The following PPP2R1B variants were observed in gnomAD, a reference collection of about 807,000 sequenced individuals.
The protein encoded by PPP2R1B is serine/threonine-protein phosphatase 2A 65 kDa regulatory subunit A beta isoform.
Under a neutral mutation model 72.7 loss-of-function variants are expected in PPP2R1B, and 58 were observed. That is an observed-to-expected ratio of 0.80 (90% CI 0.65 to 0.99). PPP2R1B has a LOEUF of 0.99. PPP2R1B is among the 50% of genes least tolerant of loss of function. The pLI, the probability that PPP2R1B is intolerant of heterozygous loss-of-function variation, is 0.00. For synonymous variants in PPP2R1B, 256 were observed against 264.6 expected (o/e 0.97, Z 0.32); for missense variants, 695 against 733.6 (o/e 0.95, Z 0.61).
At chr11:111,733,984 C>CG (rs1944269514), downstream of PPP2R1B, among the ~76,000 whole-genome samples, 1 of 152,192 alleles carries the variant, frequency 6.6e-6, no homozygotes, top group Non-Finnish European at 1.5e-5. Context: ...ACAGAGGCCT[C>CG]GGCCCCTGGC....
downstream of PPP2R1B, among the ~76,000 whole-genome samples, chr11:111,735,103 G>C (rs1944301221): frequency 6.6e-6 from 1 of 152,206 alleles, no homozygotes; most frequent in African/African-American, 2.4e-5. Flanking sequence ...AAGAGTAGAA[G>C]GGGCATGGAA....
At position 111,738,831 on chromosome 11, in the gene PPP2R1B, A is replaced by C; in HGVS notation, c.*2765T>G. On this transcript the variant is annotated 3_prime_UTR_variant, in exon 15 of 15. Transcript: ENST00000527614. ...CACACAAATTACAGAGAGAAACACC[A>C]AGGTGAATTCCACTGTTGCTGAGAC... is the stretch of plus-strand genomic sequence containing the variant. The C allele has an allele frequency of 1.0e-6, 1 of 985,068 alleles. No homozygotes were observed. Among genetic ancestry groups the C allele is most frequent in the Non-Finnish European group, 1.2e-6 (1 of 829,942 alleles). 61.0% of individuals were successfully genotyped at this position (985,068 alleles called of 1,614,324 possible). A position where few individuals can be genotyped will look rare whatever the true frequency, so the allele number is the denominator to read the frequency against.
intron 14 of PPP2R1B, among the ~76,000 whole-genome samples, chr11:111,741,833 C>T (rs935745236): frequency 1.3e-5 from 2 of 152,140 alleles, no homozygotes; most frequent in African/African-American, 2.4e-5. Flanking sequence ...TATTTCCTAC[C>T]CAGTCCTACA....
At chr11:111,709,541 C>T in the PPP2R1B span, among the ~76,000 whole-genome samples, 1 of 152,198 alleles carries the variant, frequency 6.6e-6, no homozygotes, top group Non-Finnish European at 1.5e-5. Context: ...AAAGAGTGAT[C>T]ACAATTTGTT....
At chr11:111,737,312 T>G (rs181895801), downstream of PPP2R1B, 2 of 1,323,514 alleles carry the variant, frequency 1.5e-6, no homozygotes, top group African/African-American at 2.9e-5. Flanking sequence ...GCCCTTAAAA[T>G]TGGACTCTTC....
downstream of PPP2R1B, among the ~76,000 whole-genome samples, chr11:111,736,840 C>T (rs1448918911): frequency 1.3e-5 from 2 of 152,136 alleles, no homozygotes; most frequent in African/African-American, 2.4e-5. Context: ...GGCATCCGCA[C>T]GAGGCAGCCA....
intron 11 of PPP2R1B, among the ~76,000 whole-genome samples, chr11:111,744,519 T>G (rs747527409): frequency 2.6e-5 from 4 of 152,202 alleles, no homozygotes; most frequent in Non-Finnish European, 4.4e-5. Context: ...CTCTCACAAT[T>G]AGTTGCTATA....
At chr11:111,747,591 C>T (rs1165698357) in intron 11 of PPP2R1B, among the ~76,000 whole-genome samples, 1 of 152,164 alleles carries the variant, frequency 6.6e-6, no homozygotes, top group East Asian at 1.9e-4. Context: ...CATCTGATTC[C>T]AATCTCCATA....
chr11:111,742,849 AG>A lies in PPP2R1B; in HGVS notation c.1555-185del, dbSNP rs550305744. Among the ~76,000 whole-genome samples the A allele has an allele frequency of 2.6e-5, 4 of 151,960 alleles. No homozygotes were observed. In the South Asian group the frequency reaches 8.3e-4, roughly 32 times the overall value. ...AGAATTAGACCAGAATTCACAAATA[AG>A]TTGAACTTTTAAAATACTGTAGTTT... is the stretch of plus-strand genomic sequence containing the variant. On this transcript the variant is annotated intron_variant, in intron 12 of 14. Transcript: ENST00000527614.
chr11:111,702,629 A>G, the PPP2R1B span, among the ~76,000 whole-genome samples: 8,655 of 152,278 alleles, frequency 0.057, 814 homozygotes, highest in African/African-American at 0.2. Context: ...CGCCTGCCAT[A>G]TAGTGACAGG....
At chr11:111,690,436 T>A in the PPP2R1B span, among the ~76,000 whole-genome samples, 1 of 151,812 alleles carries the variant, frequency 6.6e-6, no homozygotes, top group African/African-American at 2.4e-5. Context: ...TTTATTTATT[T>A]TTTATTTTTT....
chr11:111,737,936 C>T lies in PPP2R1B; in HGVS notation c.*3660G>A, dbSNP rs908578913. 1.5e-5 allele frequency: 16 copies of T among 1,039,500 alleles called. No homozygotes were observed. Among genetic ancestry groups the T allele is most frequent in the Non-Finnish European group, 1.9e-5 (16 of 862,042 alleles). 64.4% of individuals were successfully genotyped at this position (1,039,500 alleles called of 1,614,324 possible). ...TGGAGACAGAAATGGCTTGGCTTTC[C>T]GACGCAATGAGTAATTAAACTCTAT... is the stretch of plus-strand genomic sequence containing the variant. On this transcript the variant is annotated 3_prime_UTR_variant, in exon 15 of 15. Coordinates refer to ENST00000527614, the MANE Select transcript of PPP2R1B (RefSeq NM_002716.5).
At chr11:111,703,121 G>A in the PPP2R1B span, 68 of 1,275,846 alleles carry the variant, frequency 5.3e-5, no homozygotes, top group Admixed American at 3.4e-4. Flanking sequence ...TAACACCCTT[G>A]TACAAAGTCA....
downstream of PPP2R1B, among the ~76,000 whole-genome samples, chr11:111,736,507 G>A (rs1248367781): frequency 6.6e-6 from 1 of 152,132 alleles, no homozygotes; most frequent in African/African-American, 2.4e-5. Flanking sequence ...GACTCCAAGG[G>A]CTGGCCACCC....
the PPP2R1B span, among the ~76,000 whole-genome samples, chr11:111,692,889 G>T: frequency 6.6e-6 from 1 of 151,902 alleles, no homozygotes; most frequent in African/African-American, 2.4e-5. Flanking sequence ...TAGCCATCTT[G>T]TATATTGAAA....
At chr11:111,719,340 A>C in the PPP2R1B span, among the ~76,000 whole-genome samples, 3 of 145,492 alleles carry the variant, frequency 2.1e-5, no homozygotes, top group Non-Finnish European at 3.0e-5. Flanking sequence ...AAATAGAAGA[A>C]TCTTGGTGAC....
At chr11:111,712,457 T>C in the PPP2R1B span, 4 of 1,420,360 alleles carry the variant, frequency 2.8e-6, no homozygotes, top group Non-Finnish European at 1.9e-6. Flanking sequence ...ACTTTGGCTT[T>C]ATTGAACTTT....
intron 5 of PPP2R1B, among the ~76,000 whole-genome samples, chr11:111,756,531 C>T (rs1555049776): frequency 2.0e-5 from 3 of 152,140 alleles, no homozygotes; most frequent in African/African-American, 7.2e-5. Flanking sequence ...ACTTAGAAAG[C>T]TTAGTTTTCA....
the PPP2R1B span, chr11:111,721,806 T>G: frequency 6.4e-7 from 1 of 1,572,418 alleles, no homozygotes; most frequent in Non-Finnish European, 8.6e-7. Flanking sequence ...AATTGAAAAT[T>G]GTTTCCACCC....
Sources: allele counts gnomAD v4.1 joint callset (sites outside exome capture counted in the v4.1 genomes callset), GRCh38; gene constraint gnomAD v4.1.1; transcripts MANE v1.5; gene names NCBI Gene and HGNC (gene_info 2026-07-23, HGNC 2026-07-21).